Variants in OSBPL2 observed in about 807,000 individuals in gnomAD.
OSBPL2 encodes the protein oxysterol-binding protein-related protein 2.
In OSBPL2, 18 loss-of-function variants were observed where a neutral mutation model predicts 58.4. The observed-to-expected ratio is 0.31, with a 90% CI of 0.21 to 0.46. OSBPL2 has a LOEUF of 0.46. Among genes scored for constraint, OSBPL2 ranks in the 20% least tolerant of loss-of-function variants. The pLI, the probability that OSBPL2 is intolerant of heterozygous loss-of-function variation, is 1.00. For synonymous variants in OSBPL2, 221 were observed against 234.1 expected (o/e 0.94, Z 0.51); for missense variants, 461 against 616.5 (o/e 0.75, Z 2.67).
Position 62,281,839 on chromosome 20 carries a change from A to G in OSBPL2, c.832A>G (p.Lys278Glu), listed in dbSNP as rs1179152551. Reference protein sequence around the residue: ...LHFKPCGLFGKELHKVEGHIQ... With the variant: ...LHFKPCGLFGEELHKVEGHIQ... ...CTTTAAACCGTGTGGATTATTTGGA[A>G]AAGAACTTCACAAGGTGGAAGGACA... Residue 278 changes from lysine (K) to glutamate (E), a missense_variant, in exon 9 of 14, where the codon AAA becomes GAA. This residue lies in a region of OSBPL2 where 319 missense variants were observed against 419.2 expected (regional missense o/e 0.76). Coordinates refer to ENST00000313733, the MANE Select transcript of OSBPL2 (RefSeq NM_144498.4). 3 of 1,612,874 alleles carry G rather than the reference A, an allele frequency of 1.9e-6. No individual in the cohort carries two copies. The highest frequency in any genetic ancestry group is 2.5e-6 in the Non-Finnish European group (3 of 1,178,906).
At chr20:62,275,214 A>T (rs1982311787) in intron 6 of OSBPL2, among the ~76,000 whole-genome samples, 1 of 152,128 alleles carries the variant, frequency 6.6e-6, no homozygotes, top group Non-Finnish European at 1.5e-5. Flanking sequence ...AAAAAATGAG[A>T]GGAACTGTCA....
chr20:62,290,618 C>T (rs1422983001), intron 12 of OSBPL2, among the ~76,000 whole-genome samples: 1 of 151,404 alleles, frequency 6.6e-6, no homozygotes, highest in African/African-American at 2.4e-5. Flanking sequence ...GACAGGGTTT[C>T]ACCATGTTAG....
intron 3 of OSBPL2, among the ~76,000 whole-genome samples, 162 bp from the exon 4 acceptor site, chr20:62,263,454 C>T (rs1981449233): frequency 6.6e-6 from 1 of 152,186 alleles, no homozygotes; most frequent in Non-Finnish European, 1.5e-5. Context: ...TGGAAGGCCT[C>T]TAGGCAGCAG....
chr20:62,262,445 C>T (rs967792455), intron 3 of OSBPL2, among the ~76,000 whole-genome samples: 1 of 152,196 alleles, frequency 6.6e-6, no homozygotes, highest in African/African-American at 2.4e-5. Flanking sequence ...TTGGGGGATG[C>T]GACCTGACCT....
chr20:62,260,557 C>T (rs1366407903), intron 3 of OSBPL2, among the ~76,000 whole-genome samples: 1 of 152,184 alleles, frequency 6.6e-6, no homozygotes, highest in African/African-American at 2.4e-5. Context: ...AGTTCTATTG[C>T]AGTGTGTTCA....
intron 7 of OSBPL2, chr20:62,280,044 C>T: frequency 7.7e-7 from 1 of 1,304,274 alleles, no homozygotes; most frequent in Non-Finnish European, 1.0e-6. Flanking sequence ...AAACACAAGT[C>T]TCCAACAAAT....
At chr20:62,260,535 C>G (rs1460784663) in intron 3 of OSBPL2, among the ~76,000 whole-genome samples, 1 of 152,208 alleles carries the variant, frequency 6.6e-6, no homozygotes, top group African/African-American at 2.4e-5. Context: ...AGTTCATCCT[C>G]TGTCTCAGCG....
chr20:62,248,155 C>CTTTTTTTTTTTTTTT (rs11470491), intron 1 of OSBPL2, among the ~76,000 whole-genome samples: 6 of 118,844 alleles, frequency 5.0e-5, no homozygotes, highest in Admixed American at 9.4e-5. Context: ...CTTTTCTTTT[C>CTTTTTTTTTTTTTTT]TTTTTTTTTT....
intron 3 of OSBPL2, among the ~76,000 whole-genome samples, chr20:62,262,734 A>T (rs1981400654): frequency 6.6e-6 from 1 of 152,174 alleles, no homozygotes; most frequent in African/African-American, 2.4e-5. Flanking sequence ...TCGTGCTTTC[A>T]TCACTCTGGA....
intron 1 of OSBPL2, 34 bp downstream of exon 1, chr20:62,238,631 C>G (rs1718195023): frequency 7.6e-6 from 1 of 132,108 alleles, no homozygotes; most frequent in South Asian, 2.5e-4. Flanking sequence ...CGCGAAGGCC[C>G]GGGACCCCGG....
At chr20:62,266,849 A>G (rs1410841753) in intron 4 of OSBPL2, among the ~76,000 whole-genome samples, 1 of 152,178 alleles carries the variant, frequency 6.6e-6, no homozygotes, top group Non-Finnish European at 1.5e-5. Context: ...TCTATGTTCA[A>G]ATGTCCAGTG....
chr20:62,277,912 C>T (rs573394117), intron 6 of OSBPL2, among the ~76,000 whole-genome samples: 4 of 152,148 alleles, frequency 2.6e-5, no homozygotes, highest in African/African-American at 9.7e-5. Context: ...CATTCCATCT[C>T]GGAAATTTCA....
Position 62,295,754 on chromosome 20 carries a change from C to G in OSBPL2, c.*1867C>G, listed in dbSNP as rs1198261211. 1 of 149,926 alleles carries G rather than the reference C, an allele frequency of 6.7e-6. No individual in the cohort carries two copies. Among genetic ancestry groups the G allele is most frequent in the Non-Finnish European group, 1.5e-5 (1 of 66,762 alleles). 9.3% of individuals were successfully genotyped at this position (149,926 alleles called of 1,614,324 possible). On this transcript the variant is annotated 3_prime_UTR_variant, in exon 14 of 14. Coordinates refer to ENST00000313733, the MANE Select transcript of OSBPL2 (RefSeq NM_144498.4). The surrounding 1 kb of genome is among the most constrained non-coding windows in gnomAD (Gnocchi z 4.8). The stretch of plus-strand genomic sequence containing the variant: ...TCCAGACTGTGGTTGTGAACCGGCT[C>G]CTTCTCCAAGAAAGGTTGCAAGCTG...
Position 62,289,343 on chromosome 20 carries a change from A to G in OSBPL2, c.1249+13A>G, listed in dbSNP as rs752246418. The G allele has an allele frequency of 1.9e-6, 3 of 1,610,740 alleles. No homozygotes were observed. Among genetic ancestry groups the G allele is most frequent in the Non-Finnish European group, 1.7e-6 (2 of 1,178,328 alleles). ...AATGGCAACATGGGTGCGTCCACGCAGTCAGAGGAGGAAGCTTGGGGCCAA... is the reference window on the plus strand; with the variant it reads ...AATGGCAACATGGGTGCGTCCACGCGGTCAGAGGAGGAAGCTTGGGGCCAA... On this transcript the variant is annotated intron_variant, in intron 12 of 13. Transcript: ENST00000313733.
chr20:62,273,170 C>A (rs1311893333), intron 5 of OSBPL2, 139 bp from the exon 6 acceptor site: 4 of 694,202 alleles, frequency 5.8e-6, no homozygotes, highest in Non-Finnish European at 7.6e-6. Flanking sequence ...CTCAGACACA[C>A]TGCTCGGGGA....
rs1008807473 is a variant in OSBPL2, at chr20:62,267,430, T to C, written c.258+3739T>C. 2.6e-5 allele frequency among the ~76,000 whole-genome samples: 4 copies of C among 152,268 alleles called. No individual in the cohort carries two copies. In the East Asian group the frequency reaches 5.8e-4, roughly 22 times the overall value. On this transcript the variant is annotated intron_variant, in intron 4 of 13. Transcript: ENST00000313733. Reference sequence around the variant, plus strand: ...GTCTCTTCAAGGTGGCCCGGAGTCCTTTACAAAAGGAGCTTCAGGCCTATC... The same window carrying C: ...GTCTCTTCAAGGTGGCCCGGAGTCCCTTACAAAAGGAGCTTCAGGCCTATC...
chr20:62,248,098 A>T (rs1980257661), intron 1 of OSBPL2, among the ~76,000 whole-genome samples: 1 of 150,004 alleles, frequency 6.7e-6, no homozygotes, highest in Non-Finnish European at 1.5e-5. Flanking sequence ...TTTTTAAATT[A>T]TGAAATAAAA....
chr20:62,250,368 C>T (rs1251229451), intron 1 of OSBPL2, among the ~76,000 whole-genome samples: 3 of 152,160 alleles, frequency 2.0e-5, no homozygotes, highest in African/African-American at 4.8e-5. Context: ...CACTGTCGCA[C>T]ATGCAGATGT....
chr20:62,280,402 T>TA (rs2145964586), intron 7 of OSBPL2, among the ~76,000 whole-genome samples: 1 of 152,332 alleles, frequency 6.6e-6, no homozygotes, highest in African/African-American at 2.4e-5. Context: ...ACCTTGCTGA[T>TA]AAAGTTGCAC....
Sources: gnomAD v4.1 joint callset for allele counts (sites outside exome capture counted in the v4.1 genomes callset) on GRCh38, gnomAD v4.1.1 for gene constraint, gnomAD v4.1.1 regional missense constraint, Gnocchi (gnomAD v3.1) non-coding constraint, MANE v1.5 for transcripts, NCBI Gene and HGNC (gene_info 2026-07-23, HGNC 2026-07-21) for gene names.